Variants in PTPRM observed in about 807,000 individuals in gnomAD.
The protein encoded by PTPRM is protein tyrosine phosphatase receptor type M, also known as receptor-type tyrosine-protein phosphatase mu.
In PTPRM, 47 loss-of-function variants were observed where a neutral mutation model predicts 186.7. The observed-to-expected ratio is 0.25, with a 90% CI of 0.20 to 0.32. The LOEUF (loss-of-function observed/expected upper bound fraction) is 0.32, where lower values mean the gene tolerates loss of function less well. Ranked by LOEUF, PTPRM falls within the 10% of genes least tolerant of loss-of-function variation. PTPRM has a pLI of 1.00. For missense variants in PTPRM, 1,494 were observed against 1,865.0 expected (o/e 0.80, Z 3.66); for synonymous variants, 668 against 674.9 (o/e 0.99, Z 0.16).
chr18:7,984,949 A>G (rs2082805005), intron 7 of PTPRM, among the ~76,000 whole-genome samples: 2 of 123,958 alleles, frequency 1.6e-5, no homozygotes, highest in Admixed American at 1.8e-4. Context: ...ATATATATAC[A>G]TATATAATTA....
At chr18:7,842,945 T>TAGAGAGAG (rs1230883241) in intron 2 of PTPRM, among the ~76,000 whole-genome samples, 5 of 115,132 alleles carry the variant, frequency 4.3e-5, no homozygotes, top group Admixed American at 8.6e-5. Context: ...TATATATATA[T>TAGAGAGAG]ATAGAGAGAG....
At chr18:7,860,844 C>T (rs1026125159) in intron 2 of PTPRM, among the ~76,000 whole-genome samples, 2 of 152,190 alleles carry the variant, frequency 1.3e-5, no homozygotes, top group African/African-American at 4.8e-5. Flanking sequence ...TCTCAGCTTT[C>T]CTGTCTTTGT....
intron 7 of PTPRM, among the ~76,000 whole-genome samples, chr18:8,031,625 A>G (rs1942958): frequency 0.58 from 87,594 of 152,012 alleles, 25,744 homozygotes; most frequent in Non-Finnish European, 0.65. Context: ...TTGCAGCACT[A>G]TAGAGTCTGA....
chr18:7,675,023 T>C (rs972012595), intron 1 of PTPRM, among the ~76,000 whole-genome samples: 1 of 152,118 alleles, frequency 6.6e-6, no homozygotes, highest in African/African-American at 2.4e-5. Context: ...TTGTAAAGAG[T>C]GTTGTAAGTT....
At chr18:7,980,007 A>G (rs1284529453) in intron 7 of PTPRM, among the ~76,000 whole-genome samples, 3 of 152,110 alleles carry the variant, frequency 2.0e-5, no homozygotes, top group Admixed American at 6.6e-5. Context: ...GACACCCCAC[A>G]TGGATTCCCT....
At chr18:7,576,023 A>T (rs1193430499) in intron 1 of PTPRM, among the ~76,000 whole-genome samples, 1 of 152,144 alleles carries the variant, frequency 6.6e-6, no homozygotes, top group African/African-American at 2.4e-5. Flanking sequence ...TGACCTTGCA[A>T]GCTAAAAGAG....
At chr18:7,592,548 C>T (rs1050653050) in intron 1 of PTPRM, among the ~76,000 whole-genome samples, 2 of 152,186 alleles carry the variant, frequency 1.3e-5, no homozygotes, top group East Asian at 1.9e-4. Flanking sequence ...TGTCTCCTGA[C>T]GCTACCCCCA....
At position 7,784,963 on chromosome 18, in the gene PTPRM, C is replaced by G. The variant is rs1407863966; in HGVS notation, c.196+10692C>G. ...GAAGGCTTCCAGGAGGTGGGAGCAC[C>G]CAAGAGGGGCAAGAGAAGGTGAGTA... On this transcript the variant is annotated intron_variant, in intron 2 of 32. Coordinates refer to ENST00000580170, the MANE Select transcript of PTPRM (RefSeq NM_001105244.2). Among the ~76,000 whole-genome samples, 48 of 152,068 alleles carry G rather than the reference C, an allele frequency of 3.2e-4. 1 individual carries two copies. The highest frequency in any genetic ancestry group is 3.1e-3 in the Admixed American group (47 of 15,258).
intron 14 of PTPRM, among the ~76,000 whole-genome samples, chr18:8,236,410 G>A (rs72911260): frequency 0.21 from 31,531 of 152,042 alleles, 3,513 homozygotes; most frequent in African/African-American, 0.26. Context: ...TTTGATTAGT[G>A]TTAGCATGGT....
At chr18:8,251,369 A>G (rs2147373462) in intron 17 of PTPRM, among the ~76,000 whole-genome samples, 1 of 152,348 alleles carries the variant, frequency 6.6e-6, no homozygotes, top group African/African-American at 2.4e-5. Context: ...TAGTATAAAG[A>G]ACAGAACTTC....
At chr18:7,824,957 C>T (rs1348250279) in intron 2 of PTPRM, among the ~76,000 whole-genome samples, 2 of 152,166 alleles carry the variant, frequency 1.3e-5, no homozygotes, top group Non-Finnish European at 2.9e-5. Flanking sequence ...AGCTTCTCTT[C>T]ATGGATTTAC....
chr18:8,054,645 C>T (rs940626623), intron 7 of PTPRM, among the ~76,000 whole-genome samples: 1 of 151,922 alleles, frequency 6.6e-6, no homozygotes, highest in African/African-American at 2.4e-5. Context: ...TGTGTATGCT[C>T]TTGTTGTCGG....
At chr18:8,318,082 TAA>T (rs2148055432) in intron 21 of PTPRM, among the ~76,000 whole-genome samples, 1 of 152,296 alleles carries the variant, frequency 6.6e-6, no homozygotes, top group Non-Finnish European at 1.5e-5. Context: ...CATGTGCATT[TAA>T]GTTATCTGAG....
intron 1 of PTPRM, among the ~76,000 whole-genome samples, chr18:7,679,629 C>A (rs2039432850): frequency 6.6e-6 from 1 of 152,172 alleles, no homozygotes; most frequent in Non-Finnish European, 1.5e-5. Flanking sequence ...CGCGACACTG[C>A]AGTCCAGCCT....
intron 1 of PTPRM, among the ~76,000 whole-genome samples, chr18:7,623,149 T>C (rs2037980310): frequency 6.6e-6 from 1 of 152,184 alleles, no homozygotes; most frequent in Non-Finnish European, 1.5e-5. Flanking sequence ...TGGCATAAGG[T>C]AATTTCTTGT....
At chr18:7,575,563 T>G (rs1484329206) in intron 1 of PTPRM, among the ~76,000 whole-genome samples, 1 of 152,230 alleles carries the variant, frequency 6.6e-6, no homozygotes, top group Non-Finnish European at 1.5e-5. Flanking sequence ...CAATTTTTTC[T>G]TTTTTCTGCT....
At chr18:7,871,907 TA>T (rs1000818469) in intron 2 of PTPRM, among the ~76,000 whole-genome samples, 1 of 152,252 alleles carries the variant, frequency 6.6e-6, no homozygotes, top group Non-Finnish European at 1.5e-5. Flanking sequence ...CAGTACATTT[TA>T]AAGTTTGCTG....
At chr18:8,099,147 C>CTCTCTCTCTCTT (rs1488169021) in intron 11 of PTPRM, among the ~76,000 whole-genome samples, 2 of 152,046 alleles carry the variant, frequency 1.3e-5, no homozygotes, top group East Asian at 1.9e-4. Flanking sequence ...CTTTCTCTCT[C>CTCTCTCTCTCTT]TCTCTCTCTC....
chr18:8,304,414 G>T (rs2095196814), intron 20 of PTPRM, among the ~76,000 whole-genome samples: 1 of 152,090 alleles, frequency 6.6e-6, no homozygotes, highest in African/African-American at 2.4e-5. Flanking sequence ...CTAAGCACTG[G>T]TTTGTTGTGA....
Sources: gnomAD v4.1 joint callset for allele counts (sites outside exome capture counted in the v4.1 genomes callset) on GRCh38, gnomAD v4.1.1 for gene constraint, MANE v1.5 for transcripts, NCBI Gene and HGNC (gene_info 2026-07-23, HGNC 2026-07-21) for gene names.